The following NUDCD3 variants were observed in gnomAD, a reference collection of about 807,000 sequenced individuals.
NUDCD3 encodes the protein NudC domain containing 3.
A neutral mutation model predicts 39.7 loss-of-function variants in NUDCD3; 13 were observed. The observed-to-expected ratio is 0.33, with a 90% CI of 0.21 to 0.52. The LOEUF (loss-of-function observed/expected upper bound fraction) is 0.52, where lower values mean the gene tolerates loss of function less well. NUDCD3 is among the 20% of genes least tolerant of loss of function. The pLI, the probability that NUDCD3 is intolerant of heterozygous loss-of-function variation, is 0.96. For synonymous variants in NUDCD3, 175 were observed against 172.4 expected, an observed-to-expected ratio of 1.02 and a Z score of -0.12; for missense variants, 453 against 458.1, an observed-to-expected ratio of 0.99 and a Z score of 0.10.
chr7:44,456,042 A>AAC (rs1799890719), intron 2 of NUDCD3, among the ~76,000 whole-genome samples: 2 of 138,656 alleles, frequency 1.4e-5, no homozygotes, highest in African/African-American at 5.2e-5. Flanking sequence ...AAAAAAAAAA[A>AAC]AAAAAAAACA....
At chr7:44,456,791 T>C (rs923547214) in intron 2 of NUDCD3, among the ~76,000 whole-genome samples, 1 of 150,946 alleles carries the variant, frequency 6.6e-6, no homozygotes, top group South Asian at 2.1e-4. Flanking sequence ...TTCCTAAGGG[T>C]CAAACTGTAA....
At position 44,454,969 on chromosome 7, in the gene NUDCD3, C is replaced by G. The variant is rs1049948507; in HGVS notation, c.510-27266G>C. On this transcript the variant is annotated intron_variant, in intron 2 of 5. Coordinates refer to ENST00000355451, the MANE Select transcript of NUDCD3 (RefSeq NM_015332.4). ...CACACACACACACACACACACACAC[C>G]CTTTCTTTTAAATCTTTGATTTGGA... 6.1e-5 allele frequency among the ~76,000 whole-genome samples: 9 copies of G among 148,540 alleles called. No individual in the cohort carries two copies. In the South Asian group the frequency reaches 1.9e-3, roughly 32 times the overall value.
Position 44,386,050 on chromosome 7 carries a change from A to C in NUDCD3, c.1047T>G (p.Pro349=). 6.2e-7 allele frequency: 1 copy of C among 1,607,444 alleles called. No individual in the cohort carries two copies. Among genetic ancestry groups the C allele is most frequent in the Non-Finnish European group, 8.5e-7 (1 of 1,173,776 alleles). The change falls in exon 6 of 6, where the codon CCT becomes CCG. Residue 349 remains proline, a synonymous_variant. Transcript: ENST00000355451. Reference sequence around the variant, plus strand: ...CCCCCGGGGAGATGTTGAACATGGCAGGGTCGAATCGCTGGCCTCGGAAGG... The same window carrying C: ...CCCCCGGGGAGATGTTGAACATGGCCGGGTCGAATCGCTGGCCTCGGAAGG... ...GSPFRGQRFD[P]AMFNISPGAV...
At chr7:44,470,580 G>C (rs1427763433) in intron 2 of NUDCD3, among the ~76,000 whole-genome samples, 2 of 152,192 alleles carry the variant, frequency 1.3e-5, no homozygotes, top group Non-Finnish European at 2.9e-5. Context: ...GCGTGGCTCA[G>C]AGAGCACAAG....
At chr7:44,432,366 C>T (rs1303977036) in intron 2 of NUDCD3, among the ~76,000 whole-genome samples, 7 of 152,184 alleles carry the variant, frequency 4.6e-5, no homozygotes, top group Non-Finnish European at 1.0e-4. Context: ...AGGTCAAAGA[C>T]CTAACCTGAA....
intron 2 of NUDCD3, among the ~76,000 whole-genome samples, chr7:44,469,673 C>A (rs1040808521): frequency 6.6e-6 from 1 of 152,112 alleles, no homozygotes; most frequent in Non-Finnish European, 1.5e-5. Context: ...CAGTTATGAT[C>A]ACAATTAACA....
intron 2 of NUDCD3, chr7:44,468,268 C>A (rs766065918): frequency 1.3e-6 from 2 of 1,591,880 alleles, no homozygotes; most frequent in Non-Finnish European, 1.7e-6. Flanking sequence ...GAGTCACCAA[C>A]CCCAATGCCA....
At position 44,385,027 on chromosome 7, in the gene NUDCD3, T is replaced by G. The variant is rs1444613262; in HGVS notation, c.*984A>C. The G allele has an allele frequency of 6.6e-6, 1 of 152,126 alleles. No individual in the cohort carries two copies. Among genetic ancestry groups the G allele is most frequent in the South Asian group, 2.1e-4 (1 of 4,832 alleles). The allele number at this position is 152,126 out of a possible 1,614,324, so 9.4% of individuals were successfully genotyped here. On this transcript the variant is annotated 3_prime_UTR_variant, in exon 6 of 6. Transcript: ENST00000355451. ...AGGATGGGAAGAGGGGAGTCTTCAC[T>G]CTCTTCTGGTTCAGTTGTGGTGGGA...
At chr7:44,436,307 G>A (rs930756259) in intron 2 of NUDCD3, among the ~76,000 whole-genome samples, 1 of 152,312 alleles carries the variant, frequency 6.6e-6, no homozygotes. Context: ...TGAGAGTAGG[G>A]AGAAAGATGA....
At chr7:44,455,716 C>G (rs1302025354) in intron 2 of NUDCD3, among the ~76,000 whole-genome samples, 1 of 152,154 alleles carries the variant, frequency 6.6e-6, no homozygotes, top group Non-Finnish European at 1.5e-5. Flanking sequence ...CTGCTCAGAA[C>G]AATGACACAA....
At chr7:44,478,821 G>C (rs1800433183) in intron 2 of NUDCD3, among the ~76,000 whole-genome samples, 1 of 152,214 alleles carries the variant, frequency 6.6e-6, no homozygotes, top group Admixed American at 6.5e-5. Flanking sequence ...CTTTAGGGCA[G>C]AACACAGGCA....
chr7:44,385,353 G>C lies in NUDCD3; in HGVS notation c.*658C>G, dbSNP rs1264220988. 1.3e-5 allele frequency: 2 copies of C among 152,398 alleles called. No homozygotes were observed. Among genetic ancestry groups the C allele is most frequent in the Non-Finnish European group, 2.9e-5 (2 of 68,116 alleles). The allele number at this position is 152,398 out of a possible 1,614,324, so 9.4% of individuals were successfully genotyped here. A position where few individuals can be genotyped will look rare whatever the true frequency, so the allele number is the denominator to read the frequency against. On this transcript the variant is annotated 3_prime_UTR_variant, in exon 6 of 6. Coordinates refer to ENST00000355451, the MANE Select transcript of NUDCD3 (RefSeq NM_015332.4). ...CAGAATCCCCGCTGCATCTGGACCT[G>C]AGCCCAGAACCTAGGCTTTCTCCGA...
chr7:44,419,938 TCTC>T (rs1225706830), intron 3 of NUDCD3, among the ~76,000 whole-genome samples: 2 of 152,082 alleles, frequency 1.3e-5, no homozygotes, highest in African/African-American at 4.8e-5. Flanking sequence ...GAATGCCTCT[TCTC>T]CTCCAAATGA....
intron 4 of NUDCD3, among the ~76,000 whole-genome samples, chr7:44,396,000 A>T (rs1471596885): frequency 6.6e-6 from 1 of 152,074 alleles, no homozygotes; most frequent in African/African-American, 2.4e-5. Context: ...ACTATTTTCG[A>T]AAGCAGCTGC....
At chr7:44,422,013 C>T (rs1799150041) in intron 3 of NUDCD3, among the ~76,000 whole-genome samples, 1 of 152,190 alleles carries the variant, frequency 6.6e-6, no homozygotes, top group South Asian at 2.1e-4. Context: ...TACATGAAAA[C>T]TGAACAACTT....
intron 4 of NUDCD3, among the ~76,000 whole-genome samples, chr7:44,397,223 G>C (rs1189549843): frequency 1.3e-5 from 2 of 152,234 alleles, no homozygotes; most frequent in African/African-American, 4.8e-5. Context: ...GGGGACTCTT[G>C]ACGCTCAGCC....
At chr7:44,451,033 T>C (rs1171605817) in intron 2 of NUDCD3, among the ~76,000 whole-genome samples, 1 of 152,216 alleles carries the variant, frequency 6.6e-6, no homozygotes, top group Non-Finnish European at 1.5e-5. Context: ...TATTTGTACA[T>C]TCATGTTCAC....
intron 3 of NUDCD3, among the ~76,000 whole-genome samples, chr7:44,414,732 C>A (rs1411240900): frequency 2.0e-5 from 3 of 152,304 alleles, no homozygotes; most frequent in Middle Eastern, 6.8e-3. Flanking sequence ...TTAGTCTTTT[C>A]TGTTATGGAA....
At chr7:44,405,290 C>T (rs1798797726) in intron 3 of NUDCD3, among the ~76,000 whole-genome samples, 1 of 152,260 alleles carries the variant, frequency 6.6e-6, no homozygotes, top group Non-Finnish European at 1.5e-5. Flanking sequence ...AGACTGGCCC[C>T]ATGGCCTTCC....
Sources: allele counts gnomAD v4.1 joint callset (sites outside exome capture counted in the v4.1 genomes callset), GRCh38; gene constraint gnomAD v4.1.1; transcripts MANE v1.5; gene names NCBI Gene and HGNC (gene_info 2026-07-23, HGNC 2026-07-21).